PKD2L1: variants seen among roughly 807,000 people sequenced by gnomAD.
PKD2L1 encodes the protein polycystin-2-like protein 1.
Under a neutral mutation model 93.0 loss-of-function variants are expected in PKD2L1, and 77 were observed. The ratio of observed to expected loss-of-function variants is 0.83; its 90% CI spans 0.69 to 1.00. The LOEUF (loss-of-function observed/expected upper bound fraction) is 1.00, where lower values mean the gene tolerates loss of function less well. PKD2L1 is among the 50% of genes least tolerant of loss of function. The pLI, the probability that PKD2L1 is intolerant of heterozygous loss-of-function variation, is 0.00. For missense variants in PKD2L1, 977 were observed against 990.9 expected (o/e 0.99, Z 0.19); for synonymous variants, 390 against 388.0 (o/e 1.01, Z -0.06).
In PKD2L1 at chr10:100,330,190, G is replaced by A. The variant is rs1849476573; in HGVS notation, c.-87C>T. 2 of 813,022 alleles carry A rather than the reference G, an allele frequency of 2.5e-6. No homozygotes were observed. Among genetic ancestry groups the A allele is most frequent in the Non-Finnish European group, 3.9e-6 (2 of 514,726 alleles). The allele number at this position is 813,022 out of a possible 1,614,324, so 50.4% of individuals were successfully genotyped here. A position where few individuals can be genotyped will look rare whatever the true frequency, so the allele number is the denominator to read the frequency against. Reference sequence around the variant, plus strand: ...GCAGAGGCACAGCCCAGCCTAGCCAGCAGAGAGCAAATGGAAAGGCGTCTG... The same window carrying A: ...GCAGAGGCACAGCCCAGCCTAGCCAACAGAGAGCAAATGGAAAGGCGTCTG... On this transcript the variant is annotated 5_prime_UTR_variant, in exon 1 of 16. Coordinates refer to ENST00000318222, the MANE Select transcript of PKD2L1 (RefSeq NM_016112.3).
At chr10:100,321,872 C>G (rs71496519) in intron 2 of PKD2L1, among the ~76,000 whole-genome samples, 220 of 2,174 alleles carry the variant, frequency 0.1, 49 homozygotes, top group Middle Eastern at 0.25. Context: ...GGCAGGCAGG[C>G]AGGCAGGGAG....
At chr10:100,327,823 C>T (rs1849411675) in intron 2 of PKD2L1, among the ~76,000 whole-genome samples, 1 of 152,188 alleles carries the variant, frequency 6.6e-6, no homozygotes, top group African/African-American at 2.4e-5. Flanking sequence ...TGGCCAGTGA[C>T]AAACACAGAG....
At chr10:100,329,373 C>T in intron 1 of PKD2L1, 49 bp from the exon 2 acceptor site, 2 of 1,613,076 alleles carry the variant, frequency 1.2e-6, no homozygotes, top group Non-Finnish European at 8.5e-7. Flanking sequence ...CAGTGTTCCT[C>T]CCAGTCATCC....
At position 100,293,008 on chromosome 10, in the gene PKD2L1, T is replaced by C. The variant is rs1327177193; in HGVS notation, c.1820A>G (p.Lys607Arg). ...LRKERVSDVQ[K>R]VLQGGEQEIQ... The stretch of plus-strand genomic sequence containing the variant: ...CTCCTGCTCCCCACCCTGCAGGACC[T>C]TCTGCACATCCGAAACCCTCTCCTT... The change falls in exon 11 of 16, where the codon AAG (lysine) becomes AGG (arginine). Residue 607 changes from lysine to arginine, a missense_variant. Coordinates refer to ENST00000318222, the MANE Select transcript of PKD2L1 (RefSeq NM_016112.3). The C allele has an allele frequency of 6.2e-7, 1 of 1,614,208 alleles. No individual in the cohort carries two copies.
intron 2 of PKD2L1, among the ~76,000 whole-genome samples, chr10:100,308,956 T>C (rs1333097670): frequency 6.6e-6 from 1 of 152,192 alleles, no homozygotes; most frequent in Non-Finnish European, 1.5e-5. Flanking sequence ...ATCACCGTCT[T>C]GAAAGAAGCT....
At chr10:100,306,633 G>A (rs187083529) in intron 2 of PKD2L1, among the ~76,000 whole-genome samples, 22 of 152,038 alleles carry the variant, frequency 1.4e-4, no homozygotes, top group Admixed American at 1.4e-3. Flanking sequence ...AGGCCAAAGC[G>A]AGTGGACTAC....
At position 100,296,966 on chromosome 10, in the gene PKD2L1, T is replaced by C. The variant is rs539750375; in HGVS notation, c.1185+14A>G. On this transcript the variant is annotated intron_variant, in intron 6 of 15. Transcript: ENST00000318222. Reference sequence around the variant, plus strand: ...ACCCCAGAATGTCCCAAGTCCTAGATATCTGTCCCTCACCAAGATGACCAC... The same window carrying C: ...ACCCCAGAATGTCCCAAGTCCTAGACATCTGTCCCTCACCAAGATGACCAC... 5.1e-6 allele frequency: 8 copies of C among 1,566,342 alleles called. No homozygotes were observed. The East Asian group carries it at 1.6e-4, about 31-fold the overall frequency.
At chr10:100,321,063 A>C (rs1267341441) in intron 2 of PKD2L1, among the ~76,000 whole-genome samples, 1 of 152,166 alleles carries the variant, frequency 6.6e-6, no homozygotes, top group Non-Finnish European at 1.5e-5. Context: ...AAAATATAAA[A>C]ACTGGCTGGG....
intron 3 of PKD2L1, among the ~76,000 whole-genome samples, chr10:100,299,115 C>T (rs1418405150): frequency 6.6e-6 from 1 of 152,070 alleles, no homozygotes; most frequent in Non-Finnish European, 1.5e-5. Flanking sequence ...CATCACTATG[C>T]CCAGCTAATT....
At chr10:100,299,221 T>C (rs1848622848) in intron 3 of PKD2L1, among the ~76,000 whole-genome samples, 2 of 152,190 alleles carry the variant, frequency 1.3e-5, no homozygotes, top group South Asian at 4.1e-4. Context: ...CCTCCTAAAG[T>C]GCTGGGATTA....
chr10:100,297,429 G>A lies in PKD2L1; in HGVS notation c.909C>T (p.Ile303=), dbSNP rs754383648. ...WLDRGTRVVF[I]DFSVYNANIN... ...TATTGGCATTGTAGACTGAGAAGTC[G>A]ATGAACACCACTCGAGTGCCCCTGT... The change falls in exon 5 of 16, where the codon ATC becomes ATT. Residue 303 remains isoleucine, a synonymous_variant. Coordinates refer to ENST00000318222, the MANE Select transcript of PKD2L1 (RefSeq NM_016112.3). 1.4e-5 allele frequency: 22 copies of A among 1,614,026 alleles called. No individual in the cohort carries two copies. In the Admixed American group the frequency reaches 1.8e-4, roughly 13 times the overall value.
chr10:100,329,472 AC>A, intron 1 of PKD2L1, 148 bp from the exon 2 acceptor site: 1 of 1,052,124 alleles, frequency 9.5e-7, no homozygotes, highest in Non-Finnish European at 1.4e-6. Flanking sequence ...TGGCTACTGT[AC>A]CCACACCCAT....
At chr10:100,314,339 G>C (rs1849012385) in intron 2 of PKD2L1, among the ~76,000 whole-genome samples, 2 of 152,104 alleles carry the variant, frequency 1.3e-5, no homozygotes, top group East Asian at 1.9e-4. Context: ...TGAGACAAAG[G>C]ACCAGGGAGA....
chr10:100,300,927 CG>C, intron 2 of PKD2L1, among the ~76,000 whole-genome samples: 1 of 152,180 alleles, frequency 6.6e-6, no homozygotes, highest in East Asian at 1.9e-4. Context: ...ACTCCGCTAT[CG>C]GGGGAACCTG....
chr10:100,314,766 G>C (rs978431820), intron 2 of PKD2L1, among the ~76,000 whole-genome samples: 18 of 151,716 alleles, frequency 1.2e-4, no homozygotes, highest in African/African-American at 4.4e-4. Context: ...CGGGTGCGCT[G>C]GCTAGCCTGT....
chr10:100,297,705 TGTGTGTGTGTG>T, intron 4 of PKD2L1, 99 bp from the exon 5 acceptor site: 2 of 43,604 alleles, frequency 4.6e-5, no homozygotes, highest in African/African-American at 1.9e-4. Flanking sequence ...TTACATATTG[TGTGTGTGTGTG>T]TGTGTGTGTG....
chr10:100,322,013 C>T (rs1396706437), intron 2 of PKD2L1, among the ~76,000 whole-genome samples: 1 of 151,568 alleles, frequency 6.6e-6, no homozygotes, highest in African/African-American at 2.4e-5. Context: ...AAGGCTTGAG[C>T]CCAGGAGTTC....
chr10:100,296,776 G>A (rs2134382034), intron 6 of PKD2L1, among the ~76,000 whole-genome samples: 1 of 152,122 alleles, frequency 6.6e-6, no homozygotes, highest in East Asian at 1.9e-4. Flanking sequence ...CAGGTGAGGA[G>A]GAGAGGAGAT....
chr10:100,294,400 A>G, intron 9 of PKD2L1, 135 bp downstream of exon 9: 1 of 907,038 alleles, frequency 1.1e-6, no homozygotes. Context: ...CTCTCAGAAG[A>G]TCCAGACATC....
Sources: gnomAD v4.1 joint callset for allele counts (sites outside exome capture counted in the v4.1 genomes callset) on GRCh38, gnomAD v4.1.1 for gene constraint, MANE v1.5 for transcripts, NCBI Gene and HGNC (gene_info 2026-07-23, HGNC 2026-07-21) for gene names.